The following ANK3 variants were observed in gnomAD, a reference collection of about 807,000 sequenced individuals.
ANK3 encodes the protein ankyrin 3.
A neutral mutation model predicts 370.9 loss-of-function variants in ANK3; 57 were observed. That is an observed-to-expected ratio of 0.15 (90% CI 0.12 to 0.19). ANK3 has a LOEUF of 0.19. Among genes scored for constraint, ANK3 ranks in the 10% least tolerant of loss-of-function variants. ANK3 has a pLI of 1.00. For synonymous variants in ANK3, 1,929 were observed against 1,946.3 expected, an observed-to-expected ratio of 0.99 and a Z score of 0.23; for missense variants, 4,439 against 5,302.1, an observed-to-expected ratio of 0.84 and a Z score of 5.06.
chr10:60,311,515 G>A (rs894910954), intron 1 of ANK3, among the ~76,000 whole-genome samples: 2 of 147,664 alleles, frequency 1.4e-5, no homozygotes, highest in African/African-American at 2.5e-5. Context: ...AGGGAGAATA[G>A]TCCTAGTTCC....
At chr10:60,398,622 T>C (rs2063292167) in intron 2 of ANK3, among the ~76,000 whole-genome samples, 1 of 152,208 alleles carries the variant, frequency 6.6e-6, no homozygotes, top group Admixed American at 6.5e-5. Context: ...CTATACCATG[T>C]CCACACAGAT....
chr10:60,276,795 T>C (rs1035761269), intron 4 of ANK3, among the ~76,000 whole-genome samples: 1 of 152,126 alleles, frequency 6.6e-6, no homozygotes, highest in African/African-American at 2.4e-5. Flanking sequence ...GAGAAAATAA[T>C]AAAAGAAATG....
chr10:60,511,134 C>T (rs761004958), intron 2 of ANK3, among the ~76,000 whole-genome samples: 8 of 152,030 alleles, frequency 5.3e-5, no homozygotes, highest in African/African-American at 7.2e-5. Context: ...ACTTGAACAC[C>T]GGTATGAAAT....
At position 60,205,819 on chromosome 10, in the gene ANK3, G is replaced by A. The variant is rs2297978; in HGVS notation, c.1266C>T (p.His422=). ...RIKVMELLLK[H]GASIQAVTES... ...CGGTTACAGCTTGGATGGATGCACC[G>A]TGTTTCAGAAGGAGTTCCATTACTT... Residue 422 remains histidine (H), a synonymous_variant, in exon 11 of 44, where the codon CAC becomes CAT. Coordinates refer to ENST00000280772, the MANE Select transcript of ANK3 (RefSeq NM_020987.5). 5,124 of 1,613,670 alleles carry A rather than the reference G, an allele frequency of 3.2e-3. 190 individuals carry two copies. In the East Asian group the frequency reaches 0.076, roughly 24 times the overall value.
At chr10:60,460,711 T>C (rs1467172303) in intron 2 of ANK3, among the ~76,000 whole-genome samples, 2 of 152,200 alleles carry the variant, frequency 1.3e-5, no homozygotes, top group Non-Finnish European at 2.9e-5. Context: ...AGAGTTCTTA[T>C]TGTCCATAGT....
chr10:60,652,271 G>A (rs948895779), intron 1 of ANK3, among the ~76,000 whole-genome samples: 2 of 151,928 alleles, frequency 1.3e-5, no homozygotes, highest in Non-Finnish European at 2.9e-5. Context: ...GCATAGTGGC[G>A]CACACCTGTA....
chr10:60,422,075 G>A (rs1430765214), intron 2 of ANK3, among the ~76,000 whole-genome samples: 1 of 152,090 alleles, frequency 6.6e-6, no homozygotes, highest in East Asian at 1.9e-4. Context: ...GAGTTTTAGT[G>A]ATCAAGAAGT....
At chr10:60,601,351 A>G (rs959093517) in intron 2 of ANK3, among the ~76,000 whole-genome samples, 4 of 152,062 alleles carry the variant, frequency 2.6e-5, no homozygotes, top group Non-Finnish European at 5.9e-5. Flanking sequence ...CATGGCAAAA[A>G]TTGCCTTGTT....
intron 1 of ANK3, among the ~76,000 whole-genome samples, chr10:60,623,391 G>A (rs2078364967): frequency 6.6e-6 from 1 of 152,138 alleles, no homozygotes; most frequent in African/African-American, 2.4e-5. Flanking sequence ...TCATACGCAT[G>A]ATACCACAAG....
rs544039555 is a variant in ANK3, at chr10:60,065,340, A to G, written c.12320-1052T>C. Among the ~76,000 whole-genome samples, 34 of 152,324 alleles carry G rather than the reference A, an allele frequency of 2.2e-4. No homozygotes were observed. In the South Asian group the frequency reaches 6.8e-3, roughly 31 times the overall value. ...GACTTAGTTCCCACTGTATTTTTTT[A>G]TATTAAAACAATTTATCAAGTGTGT... On this transcript the variant is annotated intron_variant, in intron 38 of 43. Transcript: ENST00000280772.
Position 60,061,039 on chromosome 10 carries a change from GGA to G in ANK3, c.12596-1611_12596-1610del, listed in dbSNP as rs1369129209. Among the ~76,000 whole-genome samples, 4 of 152,272 alleles carry G rather than the reference GGA, an allele frequency of 2.6e-5. No homozygotes were observed. The East Asian group carries it at 7.7e-4, about 29-fold the overall frequency. On this transcript the variant is annotated intron_variant, in intron 40 of 43. Transcript: ENST00000280772. ...AAGTTTCATAAAAGTTCAACGAAGA[GGA>G]GAGACAGGAAAAAAGCAACAAACCA... is the stretch of plus-strand genomic sequence containing the variant.
intron 11 of ANK3, among the ~76,000 whole-genome samples, 173 bp downstream of exon 11, chr10:60,205,619 T>C (rs377418029): frequency 5.9e-5 from 9 of 152,292 alleles, no homozygotes; most frequent in African/African-American, 2.2e-4. Flanking sequence ...CACCAACATG[T>C]TTGTCTGCTT....
At chr10:60,081,316 C>G (rs986487900) in intron 35 of ANK3, among the ~76,000 whole-genome samples, 2 of 152,092 alleles carry the variant, frequency 1.3e-5, no homozygotes, top group Non-Finnish European at 2.9e-5. Flanking sequence ...AACTCCTGAC[C>G]TCAGGTGATT....
intron 9 of ANK3, 61 bp downstream of exon 9, chr10:60,213,351 T>C (rs2096885702): frequency 1.7e-6 from 2 of 1,163,208 alleles, no homozygotes; most frequent in Non-Finnish European, 1.3e-6. Context: ...TTCAAAAGGC[T>C]AGATCATATA....
At chr10:60,478,944 C>T (rs533906922) in intron 2 of ANK3, among the ~76,000 whole-genome samples, 11 of 152,024 alleles carry the variant, frequency 7.2e-5, no homozygotes, top group African/African-American at 2.4e-4. Flanking sequence ...CATACGAACA[C>T]GGTGGTTATT....
chr10:60,658,295 C>CT (rs978677017), intron 1 of ANK3, among the ~76,000 whole-genome samples: 15 of 150,864 alleles, frequency 9.9e-5, no homozygotes, highest in Non-Finnish European at 2.1e-4. Flanking sequence ...AATCAAGTAT[C>CT]TTTTTAAAAC....
At chr10:60,250,914 T>C (rs762470755) in intron 7 of ANK3, among the ~76,000 whole-genome samples, 6 of 152,242 alleles carry the variant, frequency 3.9e-5, no homozygotes, top group Non-Finnish European at 8.8e-5. Context: ...TCTGGTTTTC[T>C]TGTGATGATA....
At chr10:60,706,639 CT>C (rs1167591105) in intron 1 of ANK3, among the ~76,000 whole-genome samples, 3 of 151,392 alleles carry the variant, frequency 2.0e-5, no homozygotes, top group Non-Finnish European at 2.9e-5. Flanking sequence ...TTCTTTAACT[CT>C]TACATCTCTC....
chr10:60,072,986 T>A lies in ANK3; in HGVS notation c.7895A>T (p.Glu2632Val). ...CAGCAGTTCTGTCAGTAGCACTTTC[T>A]CAGGGCTGCTACTGGTAGGGCTTTG... The part of the protein sequence containing the change: ...SSQSPTSSSP[E>V]KVLLTELLAS... The change falls in exon 37 of 44, where the codon GAG becomes GTG. Residue 2632 changes from glutamate (E) to valine (V), a missense_variant. Physicochemically the swap from Glu to Val is moderately radical, Grantham distance 121. This residue lies in a region of ANK3 where 1,601 missense variants were observed against 1,731.7 expected (regional missense o/e 0.92). Coordinates refer to ENST00000280772, the MANE Select transcript of ANK3 (RefSeq NM_020987.5). 6.2e-7 allele frequency: 1 copy of A among 1,614,138 alleles called. No individual in the cohort carries two copies. The highest frequency in any genetic ancestry group is 1.1e-5 in the South Asian group (1 of 91,088).
Sources: allele counts gnomAD v4.1 joint callset (sites outside exome capture counted in the v4.1 genomes callset), GRCh38; gene constraint gnomAD v4.1.1; regional missense constraint gnomAD v4.1.1; transcripts MANE v1.5; gene names NCBI Gene and HGNC (gene_info 2026-07-23, HGNC 2026-07-21).